LPIN1: variants seen among roughly 807,000 people sequenced by gnomAD.
LPIN1 encodes lipin 1, also known as phosphatidate phosphatase LPIN1.
In LPIN1, 71 loss-of-function variants were observed where a neutral mutation model predicts 107.5. The ratio of observed to expected loss-of-function variants is 0.66; its 90% CI spans 0.55 to 0.80. LPIN1 has a LOEUF of 0.80. LPIN1 is among the 30% of genes least tolerant of loss of function. The pLI is 0.00. For missense variants in LPIN1, 1,043 were observed against 1,160.6 expected, an observed-to-expected ratio of 0.90 and a Z score of 1.47; for synonymous variants, 445 against 452.6, an observed-to-expected ratio of 0.98 and a Z score of 0.21.
chr2:11,804,331 C>G lies in LPIN1; in HGVS notation c.2014-92C>G, dbSNP rs867561577. 4.9e-6 allele frequency: 7 copies of G among 1,422,610 alleles called. No individual in the cohort carries two copies. The African/African-American group carries it at 8.4e-5, about 17-fold the overall frequency. The allele number at this position is 1,422,610 out of a possible 1,614,324, so 88.1% of individuals were successfully genotyped here. ...CAGGGCAGTCACTTGTTTTTAAAGCCGAATCCTGCTTCTCATAGAACAGAA... is the reference window on the plus strand; with the variant it reads ...CAGGGCAGTCACTTGTTTTTAAAGCGGAATCCTGCTTCTCATAGAACAGAA... On this transcript the variant is annotated intron_variant, in intron 15 of 20. Transcript: ENST00000674199.
At chr2:11,747,393 T>A (rs1446468642) in intron 1 of LPIN1, among the ~76,000 whole-genome samples, 1 of 152,190 alleles carries the variant, frequency 6.6e-6, no homozygotes, top group Non-Finnish European at 1.5e-5. Flanking sequence ...GTAACTTAAG[T>A]GCTGTGGAGC....
At chr2:11,796,880 A>G (rs1676818524) in intron 14 of LPIN1, among the ~76,000 whole-genome samples, 1 of 152,230 alleles carries the variant, frequency 6.6e-6, no homozygotes, top group Non-Finnish European at 1.5e-5. Context: ...CATTGGAGTC[A>G]GGCAAGTGTG....
rs552229176 is a variant in LPIN1 at position 11,781,013 on chromosome 2, G to T, written c.958-1188G>T. Among the ~76,000 whole-genome samples the T allele has an allele frequency of 2.6e-5, 4 of 152,274 alleles. No individual in the cohort carries two copies. In the East Asian group the frequency reaches 7.7e-4, roughly 29 times the overall value. ...TATTTGGTATGCTAATGTATTATAA[G>T]CATCTTGAATTATGTTATTATATCA... On this transcript the variant is annotated intron_variant, in intron 7 of 20. Transcript: ENST00000674199.
chr2:11,715,573 A>C (rs1663679681), intron 2 of LPIN1, among the ~76,000 whole-genome samples: 1 of 152,152 alleles, frequency 6.6e-6, no homozygotes, highest in Non-Finnish European at 1.5e-5. Flanking sequence ...ATTTCAGTGA[A>C]TCCTGAGCAG....
rs112957705 is a variant in LPIN1 at position 11,765,322 on chromosome 2, A to G, written c.-9-211A>G. 4.0e-5 allele frequency among the ~76,000 whole-genome samples: 6 copies of G among 148,792 alleles called. No individual in the cohort carries two copies. The highest frequency in any genetic ancestry group is 2.7e-4 in the Admixed American group (4 of 15,012). On this transcript the variant is annotated intron_variant, in intron 1 of 20. Coordinates refer to ENST00000674199, the MANE Select transcript of LPIN1 (RefSeq NM_001349206.2). The surrounding 1 kb of genome is among the most constrained non-coding windows in gnomAD (Gnocchi z 4.4). ...GGGCCGTGATGGACCCTGATGGGCC[A>G]TGATGGACACTGATGGGCCGTGATG...
intron 2 of LPIN1, chr2:11,767,434 T>G: frequency 3.0e-6 from 1 of 328,176 alleles, no homozygotes; most frequent in Non-Finnish European, 5.9e-6. Context: ...GGAGGAATCT[T>G]TCTATTAGCT....
intron 1 of LPIN1, among the ~76,000 whole-genome samples, chr2:11,711,515 A>T (rs939945552): frequency 1.3e-5 from 2 of 152,170 alleles, no homozygotes; most frequent in Admixed American, 6.5e-5. Flanking sequence ...TGGTTCCAAG[A>T]GACTAGAATA....
chr2:11,683,800 G>C (rs2148501562), intron 1 of LPIN1, among the ~76,000 whole-genome samples: 1 of 152,336 alleles, frequency 6.6e-6, no homozygotes, highest in Middle Eastern at 3.4e-3. Context: ...CAGGTGTGGT[G>C]AAAGCCAGGC....
chr2:11,737,389 C>T (rs904412501), intron 1 of LPIN1, among the ~76,000 whole-genome samples: 10 of 152,260 alleles, frequency 6.6e-5, no homozygotes, highest in African/African-American at 2.2e-4. Flanking sequence ...CAAATGGGAT[C>T]TAATTAAACT....
Position 11,824,877 on chromosome 2 carries a change from C to A in LPIN1, c.*86C>A. The stretch of plus-strand genomic sequence containing the variant: ...GGTCTCCCCGGAGTGCACAGCTCCA[C>A]CTGGGAGCCTGGCGCGTCATCATTG... On this transcript the variant is annotated 3_prime_UTR_variant, in exon 21 of 21. Coordinates refer to ENST00000674199, the MANE Select transcript of LPIN1 (RefSeq NM_001349206.2). 6.8e-7 allele frequency: 1 copy of A among 1,467,202 alleles called. No individual in the cohort carries two copies. The highest frequency in any genetic ancestry group is 9.5e-7 in the Non-Finnish European group (1 of 1,054,158). The allele number at this position is 1,467,202 out of a possible 1,614,324, so 90.9% of individuals were successfully genotyped here. A position where few individuals can be genotyped will look rare whatever the true frequency, so the allele number is the denominator to read the frequency against.
At chr2:11,810,646 CAT>C (rs1268326619) in intron 17 of LPIN1, among the ~76,000 whole-genome samples, 2 of 152,152 alleles carry the variant, frequency 1.3e-5, no homozygotes, top group Admixed American at 1.3e-4. Flanking sequence ...AACTGACGGA[CAT>C]ATGGCAGTGT....
intron 1 of LPIN1, among the ~76,000 whole-genome samples, chr2:11,694,642 C>G (rs1162510709): frequency 6.6e-6 from 1 of 152,190 alleles, no homozygotes; most frequent in Non-Finnish European, 1.5e-5. Context: ...TGGTGTACCC[C>G]CATCTGCTTC....
At position 11,773,422 on chromosome 2, in the gene LPIN1, C is replaced by G. The variant is rs73917126; in HGVS notation, c.597-198C>G. Among the ~76,000 whole-genome samples, 206 of 152,252 alleles carry G rather than the reference C, an allele frequency of 1.4e-3. 1 individual carries two copies. The highest frequency in any genetic ancestry group is 4.9e-3 in the African/African-American group (203 of 41,550). On this transcript the variant is annotated intron_variant, in intron 4 of 20. Coordinates refer to ENST00000674199, the MANE Select transcript of LPIN1 (RefSeq NM_001349206.2). Reference sequence around the variant, plus strand: ...AATCATTTTACAATTAGAATTCGGCCAAAGCATTAGCACATAGACACGTTT... The same window carrying G: ...AATCATTTTACAATTAGAATTCGGCGAAAGCATTAGCACATAGACACGTTT...
rs538897605 is a variant in LPIN1 at position 11,822,728 on chromosome 2, G to A, written c.2622-1904G>A. ...GTGGGGACACAGCCAAACCATATCAGGATCAAAAAGAACTTTGAACCAATG... is the reference window on the plus strand; with the variant it reads ...GTGGGGACACAGCCAAACCATATCAAGATCAAAAAGAACTTTGAACCAATG... On this transcript the variant is annotated intron_variant, in intron 20 of 20. Transcript: ENST00000674199. Among the ~76,000 whole-genome samples the A allele has an allele frequency of 3.3e-5, 5 of 152,248 alleles. No individual in the cohort carries two copies. The East Asian group carries it at 9.7e-4, about 29-fold the overall frequency.
chr2:11,804,553 T>C lies in LPIN1; in HGVS notation c.2144T>C (p.Ile715Thr), dbSNP rs1445450479. Residue 715 changes from isoleucine (I) to threonine (T), a missense_variant, in exon 16 of 21, where the codon ATT (isoleucine) becomes ACT (threonine). Coordinates refer to ENST00000674199, the MANE Select transcript of LPIN1 (RefSeq NM_001349206.2). ...NWDDKVIISD[I>T]DGTITRSDTL... Reference sequence around the variant, plus strand: ...GATGATAAAGTCATCATTTCTGATATTGATGGGACAATTACCAGGTAGGTC... The same window carrying C: ...GATGATAAAGTCATCATTTCTGATACTGATGGGACAATTACCAGGTAGGTC... 1.2e-5 allele frequency: 19 copies of C among 1,614,202 alleles called. No individual in the cohort carries two copies. The highest frequency in any genetic ancestry group is 1.1e-5 in the Non-Finnish European group (13 of 1,180,040).
chr2:11,792,157 C>G, intron 13 of LPIN1, 151 bp downstream of exon 13: 1 of 696,804 alleles, frequency 1.4e-6, no homozygotes, highest in Non-Finnish European at 2.5e-6. Context: ...AGGGCGAGTG[C>G]TCGTGGAACG....
At chr2:11,787,431 A>T (rs1236241691) in intron 11 of LPIN1, among the ~76,000 whole-genome samples, 1 of 108,214 alleles carries the variant, frequency 9.2e-6, no homozygotes, top group Non-Finnish European at 1.7e-5. Context: ...GACAAGGTGT[A>T]GCTCTGTCTC....
chr2:11,756,099 C>T (rs62113309), intron 1 of LPIN1, among the ~76,000 whole-genome samples: 14,407 of 152,196 alleles, frequency 0.095, 911 homozygotes, highest in Middle Eastern at 0.18. Flanking sequence ...TGTAAGAGTA[C>T]ATTTATTGAG....
intron 1 of LPIN1, among the ~76,000 whole-genome samples, chr2:11,698,467 G>A (rs1350925478): frequency 6.6e-6 from 1 of 152,194 alleles, no homozygotes; most frequent in East Asian, 1.9e-4. Context: ...GGCTCCAACA[G>A]TTTCAGAAAC....
Sources: gnomAD v4.1 joint callset for allele counts (sites outside exome capture counted in the v4.1 genomes callset) on GRCh38, gnomAD v4.1.1 for gene constraint, Gnocchi (gnomAD v3.1) non-coding constraint, MANE v1.5 for transcripts, NCBI Gene and HGNC (gene_info 2026-07-23, HGNC 2026-07-21) for gene names.